KIAA0319L: variants seen among roughly 807,000 people sequenced by gnomAD.
KIAA0319L encodes dyslexia-associated protein KIAA0319-like protein.
In KIAA0319L, 55 loss-of-function variants were observed where a neutral mutation model predicts 120.1. The observed-to-expected ratio is 0.46, with a 90% CI of 0.37 to 0.57. The LOEUF is 0.57. Among genes scored for constraint, KIAA0319L ranks in the 20% least tolerant of loss-of-function variants. The pLI is 0.00. For missense variants in KIAA0319L, 1,049 were observed against 1,255.3 expected, an observed-to-expected ratio of 0.84 and a Z score of 2.48; for synonymous variants, 398 against 471.9, an observed-to-expected ratio of 0.84 and a Z score of 2.03.
chr1:35,479,947 C>A (rs1343773352), intron 3 of KIAA0319L, among the ~76,000 whole-genome samples: 26 of 32,306 alleles, frequency 8.0e-4, no homozygotes, highest in South Asian at 2.3e-3. Flanking sequence ...TATGATGAGC[C>A]AAAAAAAAAA....
At chr1:35,547,564 A>G (rs1226772490) in intron 2 of KIAA0319L, among the ~76,000 whole-genome samples, 1 of 152,208 alleles carries the variant, frequency 6.6e-6, no homozygotes, top group Admixed American at 6.5e-5. Flanking sequence ...CATAAAAAGA[A>G]ATGAAGTACT....
Position 35,450,457 on chromosome 1 carries a change from TA to T in KIAA0319L, c.2114del (p.Leu705HisfsTer19), listed in dbSNP as rs1428732737. The T allele has an allele frequency of 1.9e-6, 3 of 1,613,912 alleles. No homozygotes were observed. The highest frequency in any genetic ancestry group is 2.5e-6 in the Non-Finnish European group (3 of 1,179,898). On this transcript the variant is annotated frameshift_variant, in exon 14 of 21. Transcript: ENST00000325722. LOFTEE classifies it high-confidence loss of function. ...CATCCAGCTCTGCTGTGCTCGTGGG[TA>T]GGGTAATCACCACATTCCCAGTTAT... is the stretch of plus-strand genomic sequence containing the variant. The part of the protein sequence containing the change: ...AKITGNVVIT[L>X]PTSTAELDGS...
chr1:35,492,242 G>A (rs533190271), intron 3 of KIAA0319L, among the ~76,000 whole-genome samples: 16 of 152,132 alleles, frequency 1.1e-4, no homozygotes, highest in South Asian at 1.0e-3. Flanking sequence ...CAAGCTGGGC[G>A]CGGAGGCTCA....
intron 6 of KIAA0319L, among the ~76,000 whole-genome samples, chr1:35,468,151 T>TC (rs1553198629): frequency 1.3e-5 from 2 of 152,264 alleles, no homozygotes; most frequent in South Asian, 2.1e-4. Context: ...ATGTTTTTTT[T>TC]TTTCTTTCTT....
At chr1:35,513,455 A>T (rs1230397252) in intron 2 of KIAA0319L, among the ~76,000 whole-genome samples, 1 of 151,702 alleles carries the variant, frequency 6.6e-6, no homozygotes, top group Non-Finnish European at 1.5e-5. Context: ...TCTTTACTAA[A>T]AATTTTAAAA....
chr1:35,444,125 G>A (rs535105734), intron 17 of KIAA0319L, 36 bp downstream of exon 17: 26 of 1,555,138 alleles, frequency 1.7e-5, no homozygotes, highest in Non-Finnish European at 2.1e-5. Context: ...CAGGCACTAG[G>A]TAGGCTCTTG....
intron 5 of KIAA0319L, 27 bp downstream of exon 5, chr1:35,474,778 G>A (rs1347106824): frequency 1.4e-6 from 2 of 1,391,454 alleles, no homozygotes; most frequent in South Asian, 1.2e-5. Context: ...ACAAAAAACG[G>A]TTATCCAAAT....
In KIAA0319L at chr1:35,450,383, C is replaced by A; in HGVS notation, c.2189G>T (p.Arg730Leu). 1 of 1,613,978 alleles carries A rather than the reference C, an allele frequency of 6.2e-7. No homozygotes were observed. The highest frequency in any genetic ancestry group is 8.5e-7 in the Non-Finnish European group (1 of 1,179,924). The change falls in exon 14 of 21, where the codon CGA becomes CTA. Residue 730 changes from arginine (R) to leucine (L), a missense_variant. Physicochemically the swap from Arg to Leu is moderately radical, Grantham distance 102 (BLOSUM62 -2). Coordinates refer to ENST00000325722, the MANE Select transcript of KIAA0319L (RefSeq NM_024874.5). ...CCCTGCTGCTGGGCTCCCCTCATCT[C>A]GAGTCCAGAGGTAGCTGACTATTCC... Reference protein sequence around the residue: ...DKGIVSYLWTRDEGSPAAGEV... With the variant: ...DKGIVSYLWTLDEGSPAAGEV...
chr1:35,491,728 G>C (rs1220785173), intron 3 of KIAA0319L, among the ~76,000 whole-genome samples: 1 of 152,092 alleles, frequency 6.6e-6, no homozygotes, highest in South Asian at 2.1e-4. Flanking sequence ...ACATTAACTA[G>C]TCTAATCAGG....
intron 9 of KIAA0319L, among the ~76,000 whole-genome samples, chr1:35,458,309 T>C (rs1167147559): frequency 6.6e-6 from 1 of 152,150 alleles, no homozygotes; most frequent in African/African-American, 2.4e-5. Context: ...GACGGCAAAA[T>C]GGCAGCTGCC....
At chr1:35,543,328 T>C (rs1429673649) in intron 2 of KIAA0319L, among the ~76,000 whole-genome samples, 1 of 152,192 alleles carries the variant, frequency 6.6e-6, no homozygotes, top group Non-Finnish European at 1.5e-5. Flanking sequence ...TGATTTAGGA[T>C]TAATAATTTA....
chr1:35,452,825 TCAAACAAACAAA>T (rs34021272), intron 12 of KIAA0319L, among the ~76,000 whole-genome samples: 42 of 151,450 alleles, frequency 2.8e-4, no homozygotes, highest in African/African-American at 8.7e-4. Context: ...AATGCCTTTG[TCAAACAAACAAA>T]CAAACAAACA....
intron 2 of KIAA0319L, among the ~76,000 whole-genome samples, chr1:35,518,968 ACT>A (rs928817595): frequency 7.3e-5 from 10 of 137,538 alleles, no homozygotes; most frequent in Middle Eastern, 8.1e-3. Flanking sequence ...CAAGAGCAAG[ACT>A]CTGTCTCAAA....
Position 35,434,910 on chromosome 1 carries a change from C to G in KIAA0319L, c.3134G>C (p.Arg1045Pro), listed in dbSNP as rs373199789. 1.9e-6 allele frequency: 3 copies of G among 1,612,558 alleles called. No individual in the cohort carries two copies. The highest frequency in any genetic ancestry group is 2.5e-6 in the Non-Finnish European group (3 of 1,179,964). ...GQTPLKARSP[R>P]EEIL ...ACCAGGTGGCTACAGGATCTCCTCC[C>G]GCGGGCTCCTGGCCTTCAGAGGGGT... The change falls in exon 21 of 21, where the codon CGG becomes CCG. Residue 1045 changes from arginine (R) to proline (P), a missense_variant. Coordinates refer to ENST00000325722, the MANE Select transcript of KIAA0319L (RefSeq NM_024874.5).
At chr1:35,455,730 G>A (rs1484523533) in intron 10 of KIAA0319L, among the ~76,000 whole-genome samples, 3 of 151,670 alleles carry the variant, frequency 2.0e-5, no homozygotes, top group African/African-American at 7.3e-5. Flanking sequence ...ACAGGCGCAC[G>A]CCACTACGCC....
At chr1:35,500,898 T>A (rs1018815640) in intron 3 of KIAA0319L, among the ~76,000 whole-genome samples, 1 of 151,864 alleles carries the variant, frequency 6.6e-6, no homozygotes, top group African/African-American at 2.4e-5. Flanking sequence ...ATATATAAGG[T>A]CAAATATAAC....
intron 2 of KIAA0319L, among the ~76,000 whole-genome samples, chr1:35,535,494 C>T (rs1646539993): frequency 1.3e-5 from 2 of 152,148 alleles, no homozygotes; most frequent in South Asian, 4.1e-4. Context: ...AACCCAGTCA[C>T]TTCCTAACTG....
At chr1:35,498,075 G>A (rs934311092) in intron 3 of KIAA0319L, among the ~76,000 whole-genome samples, 1 of 152,244 alleles carries the variant, frequency 6.6e-6, no homozygotes, top group African/African-American at 2.4e-5. Flanking sequence ...GCTCACGCCT[G>A]TAATCCCAGC....
intron 2 of KIAA0319L, 108 bp downstream of exon 2, chr1:35,554,242 G>T: frequency 2.8e-6 from 2 of 702,320 alleles, no homozygotes; most frequent in Non-Finnish European, 4.3e-6. Context: ...CTGTCAATTA[G>T]CAGATTGTTT....
Sources: gnomAD v4.1 joint callset for allele counts (sites outside exome capture counted in the v4.1 genomes callset) on GRCh38, gnomAD v4.1.1 for gene constraint, MANE v1.5 for transcripts, NCBI Gene and HGNC (gene_info 2026-07-23, HGNC 2026-07-21) for gene names.